Variants in MSRB3 observed in about 807,000 individuals in gnomAD.
The protein encoded by MSRB3 is methionine sulfoxide reductase B3.
Under a neutral mutation model 21.0 loss-of-function variants are expected in MSRB3, and 13 were observed. That is an observed-to-expected ratio of 0.62 (90% CI 0.40 to 0.98). The LOEUF (loss-of-function observed/expected upper bound fraction) is 0.98. Among genes scored for constraint, MSRB3 ranks in the 50% least tolerant of loss-of-function variants. The pLI, the probability that MSRB3 is intolerant of heterozygous loss-of-function variation, is 0.00. For synonymous variants in MSRB3, 87 were observed against 88.6 expected (o/e 0.98, Z 0.10); for missense variants, 199 against 230.3 (o/e 0.86, Z 0.88).
chr12:65,451,229 G>A (rs1882845424), intron 5 of MSRB3, among the ~76,000 whole-genome samples: 1 of 152,148 alleles, frequency 6.6e-6, no homozygotes, highest in African/African-American at 2.4e-5. Context: ...GAGACATTGT[G>A]AGTTTTGGGG....
intron 5 of MSRB3, among the ~76,000 whole-genome samples, chr12:65,443,554 A>C (rs562225908): frequency 6.6e-6 from 1 of 152,270 alleles, no homozygotes; most frequent in Admixed American, 6.5e-5. Context: ...GTGCGTGCTT[A>C]AACAAAATAA....
intron 5 of MSRB3, among the ~76,000 whole-genome samples, chr12:65,373,121 G>A (rs1878414215): frequency 6.6e-6 from 1 of 152,152 alleles, no homozygotes; most frequent in African/African-American, 2.4e-5. Context: ...AAAAGACCAG[G>A]AGTTGGCTCT....
intron 5 of MSRB3, among the ~76,000 whole-genome samples, chr12:65,401,719 A>T (rs1880135886): frequency 1.3e-5 from 2 of 152,086 alleles, no homozygotes; most frequent in African/African-American, 4.8e-5. Context: ...GGTCTTTACA[A>T]TTTGGTATGT....
chr12:65,420,484 CTTTTA>C (rs1352436644), intron 5 of MSRB3, among the ~76,000 whole-genome samples: 6 of 151,100 alleles, frequency 4.0e-5, no homozygotes, highest in African/African-American at 1.5e-4. Context: ...ATTAAAAAAA[CTTTTA>C]TTTAAGTTTG....
At chr12:65,362,470 C>G (rs1877767036) in intron 4 of MSRB3, among the ~76,000 whole-genome samples, 1 of 152,014 alleles carries the variant, frequency 6.6e-6, no homozygotes, top group African/African-American at 2.4e-5. Flanking sequence ...GTGATTCATC[C>G]CTGGGGAGTG....
chr12:65,310,202 A>G (rs1873907057), intron 2 of MSRB3, among the ~76,000 whole-genome samples: 1 of 152,162 alleles, frequency 6.6e-6, no homozygotes, highest in Non-Finnish European at 1.5e-5. Context: ...AGAGGCCCCA[A>G]CCACTCTTCT....
At chr12:65,396,704 A>AAAAGAAAG (rs752672139) in intron 5 of MSRB3, among the ~76,000 whole-genome samples, 5,317 of 53,250 alleles carry the variant, frequency 0.1, 159 homozygotes, top group East Asian at 0.13. Flanking sequence ...AAAAAAAAAA[A>AAAAGAAAG]AAAGAAAGAA....
chr12:65,354,125 G>A (rs1877230786), intron 4 of MSRB3, among the ~76,000 whole-genome samples: 2 of 151,996 alleles, frequency 1.3e-5, no homozygotes, highest in Admixed American at 1.3e-4. Context: ...CCCTTTGTGG[G>A]TAACCCGACC....
At chr12:65,410,508 G>A (rs1371820721) in intron 5 of MSRB3, among the ~76,000 whole-genome samples, 5 of 152,066 alleles carry the variant, frequency 3.3e-5, no homozygotes, top group Non-Finnish European at 7.4e-5. Context: ...GCTGAGTGTC[G>A]TGGCATGCAC....
chr12:65,381,235 T>C (rs1010476615), intron 5 of MSRB3, among the ~76,000 whole-genome samples: 9 of 152,302 alleles, frequency 5.9e-5, no homozygotes, highest in Middle Eastern at 3.4e-3. Context: ...ATTAACATAA[T>C]ACAATTAATA....
At chr12:65,419,829 G>T in intron 5 of MSRB3, 4 of 782,636 alleles carry the variant, frequency 5.1e-6, no homozygotes, top group South Asian at 2.9e-5. Flanking sequence ...CATCCCTCCG[G>T]CCAGGCCCCT....
At position 65,463,251 on chromosome 12, in the gene MSRB3, G is replaced by T; in HGVS notation, c.487G>T (p.Asp163Tyr). Residue 163 changes from aspartate to tyrosine, a missense_variant, in exon 7 of 7, where the codon GAT becomes TAT. Coordinates refer to ENST00000308259, the MANE Select transcript of MSRB3 (RefSeq NM_001031679.3). ...NSAALSFTPA[D>Y]SSGTAEGGSG... The stretch of plus-strand genomic sequence containing the variant: ...GGCTGCCTTGTCTTTTACACCTGCG[G>T]ATAGCAGTGGCACCGCCGAGGGAGG... 6.2e-7 allele frequency: 1 copy of T among 1,614,226 alleles called. No individual in the cohort carries two copies. The highest frequency in any genetic ancestry group is 8.5e-7 in the Non-Finnish European group (1 of 1,180,050).
intron 4 of MSRB3, among the ~76,000 whole-genome samples, chr12:65,354,653 A>T (rs1179950379): frequency 6.6e-6 from 1 of 151,612 alleles, no homozygotes; most frequent in Non-Finnish European, 1.5e-5. Flanking sequence ...AAGATCTTTA[A>T]GTTTACTACA....
chr12:65,441,851 G>GTATTT (rs1204833984), intron 5 of MSRB3, among the ~76,000 whole-genome samples: 21 of 151,972 alleles, frequency 1.4e-4, no homozygotes, highest in African/African-American at 5.1e-4. Flanking sequence ...GGAATGTACA[G>GTATTT]TATTTGCTAA....
In MSRB3 at chr12:65,315,255, C is replaced by T. The variant is rs562577341; in HGVS notation, c.76+6600C>T. ...TTTGTGCCTTTGCATTTGAAATCAA[C>T]GATTTACTTGAAAATTTTAAATCCT... On this transcript the variant is annotated intron_variant, in intron 2 of 6. Coordinates refer to ENST00000308259, the MANE Select transcript of MSRB3 (RefSeq NM_001031679.3). 7.2e-5 allele frequency among the ~76,000 whole-genome samples: 11 copies of T among 152,160 alleles called. No individual in the cohort carries two copies. In the South Asian group the frequency reaches 1.0e-3, roughly 14 times the overall value.
At chr12:65,338,478 T>C (rs532222612) in intron 4 of MSRB3, among the ~76,000 whole-genome samples, 1 of 152,330 alleles carries the variant, frequency 6.6e-6, no homozygotes, top group South Asian at 2.1e-4. Context: ...CTTGCAACTG[T>C]AAAGTTGTAC....
rs181167004 is a variant in MSRB3, at chr12:65,375,809, T to A, written c.292+6783T>A. Among the ~76,000 whole-genome samples the A allele has an allele frequency of 2.0e-5, 3 of 152,248 alleles. No homozygotes were observed. In the East Asian group the frequency reaches 5.8e-4, roughly 29 times the overall value. ...GATAGTTACTTAGGAAGCTTTTTTT[T>A]TTTAAATTTCCAAATTTTCTACCTT... On this transcript the variant is annotated intron_variant, in intron 5 of 6. Transcript: ENST00000308259.
intron 2 of MSRB3, among the ~76,000 whole-genome samples, chr12:65,313,821 A>G (rs1874133816): frequency 6.6e-6 from 1 of 152,168 alleles, no homozygotes; most frequent in African/African-American, 2.4e-5. Flanking sequence ...AAAGAAATAG[A>G]AAAAAGGACA....
intron 5 of MSRB3, among the ~76,000 whole-genome samples, chr12:65,447,822 T>C (rs1239955374): frequency 6.6e-6 from 1 of 152,220 alleles, no homozygotes; most frequent in African/African-American, 2.4e-5. Flanking sequence ...GGATACCTAG[T>C]CCATTATTTG....
Sources: gnomAD v4.1 joint callset for allele counts (sites outside exome capture counted in the v4.1 genomes callset) on GRCh38, gnomAD v4.1.1 for gene constraint, MANE v1.5 for transcripts, NCBI Gene and HGNC (gene_info 2026-07-23, HGNC 2026-07-21) for gene names.